FRMD8: variants seen among roughly 807,000 people sequenced by gnomAD.
FRMD8 encodes the protein FERM domain containing 8, also known as FERM domain-containing protein 8.
FRMD8 carries 37 observed loss-of-function variants against 54.2 expected under a neutral mutation model. The observed-to-expected ratio is 0.68, with a 90% CI of 0.53 to 0.90. The LOEUF (loss-of-function observed/expected upper bound fraction) is 0.90, where lower values mean the gene tolerates loss of function less well. Among genes scored for constraint, FRMD8 ranks in the 40% least tolerant of loss-of-function variants. The pLI is 0.00. For synonymous variants in FRMD8, 246 were observed against 286.9 expected, an observed-to-expected ratio of 0.86 and a Z score of 1.44; for missense variants, 585 against 653.7, an observed-to-expected ratio of 0.89 and a Z score of 1.15.
At chr11:65,371,032 G>A in the FRMD8 span, among the ~76,000 whole-genome samples, 9 of 152,160 alleles carry the variant, frequency 5.9e-5, no homozygotes, top group Non-Finnish European at 7.3e-5. Flanking sequence ...GCAGCAGGGC[G>A]GGCTGGGGAA....
chr11:65,398,428 G>A (rs1856002102), intron 7 of FRMD8, among the ~76,000 whole-genome samples: 1 of 152,242 alleles, frequency 6.6e-6, no homozygotes, highest in African/African-American at 2.4e-5. Flanking sequence ...GCATATGGAT[G>A]GCACCTGAAG....
chr11:65,397,250 C>T (rs115169887), intron 7 of FRMD8, among the ~76,000 whole-genome samples: 457 of 152,356 alleles, frequency 3.0e-3, no homozygotes, highest in African/African-American at 0.01. Flanking sequence ...CTACCTGGCA[C>T]AGTCACCTCG....
chr11:65,371,789 T>C, the FRMD8 span, among the ~76,000 whole-genome samples: 1 of 151,970 alleles, frequency 6.6e-6, no homozygotes, highest in African/African-American at 2.4e-5. Context: ...TAATTTTTTG[T>C]ATTTTTAGTA....
upstream of FRMD8, chr11:65,386,534 G>C (rs1218779719): frequency 6.4e-6 from 1 of 156,008 alleles, no homozygotes; most frequent in East Asian, 1.9e-4. Flanking sequence ...TGGCGTCCGG[G>C]CATGCGCGGG....
the FRMD8 span, chr11:65,376,491 C>G: frequency 6.2e-7 from 1 of 1,614,150 alleles, no homozygotes; most frequent in Non-Finnish European, 8.5e-7. Flanking sequence ...TGATGGTGAC[C>G]CCCCGGAAGA....
intron 4 of FRMD8, 140 bp downstream of exon 4, chr11:65,393,814 C>T: frequency 1.2e-6 from 1 of 823,084 alleles, no homozygotes; most frequent in Non-Finnish European, 1.9e-6. Flanking sequence ...GCTCCGTCAG[C>T]CACCCCTGGC....
At chr11:65,388,364 A>G (rs1164463533) in intron 2 of FRMD8, among the ~76,000 whole-genome samples, 2 of 152,126 alleles carry the variant, frequency 1.3e-5, no homozygotes, top group African/African-American at 4.8e-5. Flanking sequence ...CTCTGAGAGT[A>G]GCTGCTGGAG....
At chr11:65,396,694 T>C in intron 6 of FRMD8, 105 bp from the exon 7 acceptor site, 1 of 657,586 alleles carries the variant, frequency 1.5e-6, no homozygotes, top group Non-Finnish European at 2.4e-6. Flanking sequence ...GACTTGGAAG[T>C]AGATGTGTGT....
chr11:65,391,668 G>A (rs964992269), intron 3 of FRMD8, among the ~76,000 whole-genome samples: 2 of 151,978 alleles, frequency 1.3e-5, no homozygotes, highest in African/African-American at 2.4e-5. Context: ...GCGACACCAC[G>A]CCTGGCTAAT....
chr11:65,411,158 G>C, intron 10 of FRMD8, 84 bp from the exon 11 acceptor site: 2 of 1,156,230 alleles, frequency 1.7e-6, no homozygotes, highest in South Asian at 1.5e-5. Flanking sequence ...CGTCGCGCTG[G>C]AGCCAGAACC....
upstream of FRMD8, among the ~76,000 whole-genome samples, chr11:65,385,863 C>T (rs149992996): frequency 1.4e-4 from 21 of 150,878 alleles, no homozygotes; most frequent in African/African-American, 4.9e-4. Context: ...GGTGTGATCT[C>T]GGCTCACTGC....
chr11:65,392,662 G>A (rs564552709), intron 3 of FRMD8, among the ~76,000 whole-genome samples: 3 of 152,250 alleles, frequency 2.0e-5, no homozygotes, highest in African/African-American at 7.2e-5. Context: ...TGGTCATTCT[G>A]CCAACCCCTG....
the FRMD8 span, chr11:65,380,848 C>T: frequency 9.8e-6 from 3 of 305,100 alleles, no homozygotes; most frequent in Admixed American, 4.4e-5. Context: ...CCTCAGGGCC[C>T]GGGACTGCGG....
chr11:65,399,636 C>T, intron 7 of FRMD8, 100 bp from the exon 8 acceptor site: 1 of 1,467,332 alleles, frequency 6.8e-7, no homozygotes, highest in African/African-American at 1.4e-5. Flanking sequence ...TTTCAGTCAC[C>T]CAAACAGCAG....
chr11:65,387,345 T>C, intron 2 of FRMD8: 1 of 643,294 alleles, frequency 1.6e-6, no homozygotes, highest in African/African-American at 1.8e-5. Context: ...TTGTTTAACA[T>C]AGCTGTGAAA....
At chr11:65,381,879 G>T, upstream of FRMD8, 1 of 1,613,526 alleles carries the variant, frequency 6.2e-7, no homozygotes, top group Non-Finnish European at 8.5e-7. Flanking sequence ...ACCTACCATT[G>T]GGTGTGATGT....
At chr11:65,393,741 C>T in intron 4 of FRMD8, 67 bp downstream of exon 4, 4 of 1,350,188 alleles carry the variant, frequency 3.0e-6, no homozygotes, top group South Asian at 1.2e-5. Context: ...GCTCCCAGCC[C>T]AGCCAGGGCC....
chr11:65,389,845 G>A (rs925143249), intron 3 of FRMD8, among the ~76,000 whole-genome samples: 3 of 152,148 alleles, frequency 2.0e-5, no homozygotes, highest in Non-Finnish European at 2.9e-5. Flanking sequence ...CTTGTCTGCC[G>A]AGCATAACCT....
intron 2 of FRMD8, among the ~76,000 whole-genome samples, chr11:65,387,649 C>T (rs1031476562): frequency 2.6e-5 from 4 of 152,126 alleles, no homozygotes; most frequent in African/African-American, 7.2e-5. Flanking sequence ...CGCCATTCTC[C>T]TGCCTCAGCC....
Sources: gnomAD v4.1 joint callset for allele counts (sites outside exome capture counted in the v4.1 genomes callset) on GRCh38, gnomAD v4.1.1 for gene constraint, MANE v1.5 for transcripts, NCBI Gene and HGNC (gene_info 2026-07-23, HGNC 2026-07-21) for gene names.